RORA: variants seen among roughly 807,000 people sequenced by gnomAD.
RORA encodes the protein RAR related orphan receptor A, also known as nuclear receptor ROR-alpha.
Under a neutral mutation model 69.5 loss-of-function variants are expected in RORA, and 7 were observed. The observed-to-expected ratio is 0.10, with a 90% CI of 0.06 to 0.19. The LOEUF (loss-of-function observed/expected upper bound fraction) is 0.19. Ranked by LOEUF, RORA falls within the 10% of genes least tolerant of loss-of-function variation. The pLI, the probability that RORA is intolerant of heterozygous loss-of-function variation, is 1.00. For missense variants in RORA, 457 were observed against 663.0 expected (o/e 0.69, Z 3.41); for synonymous variants, 261 against 240.8 (o/e 1.08, Z -0.78).
At chr15:60,853,097 G>A (rs2073343279) in intron 1 of RORA, among the ~76,000 whole-genome samples, 1 of 152,176 alleles carries the variant, frequency 6.6e-6, no homozygotes, top group Non-Finnish European at 1.5e-5. Flanking sequence ...TCTGCTCAGA[G>A]TTCAGGGCGG....
chr15:60,904,958 T>C (rs10152997), intron 1 of RORA, among the ~76,000 whole-genome samples: 76,495 of 151,896 alleles, frequency 0.5, 19,649 homozygotes, highest in Non-Finnish European at 0.55. Context: ...CCAAAACACA[T>C]ATAAAACATG....
chr15:60,592,491 G>A (rs964078573), intron 2 of RORA: 2 of 1,330,302 alleles, frequency 1.5e-6, no homozygotes, highest in South Asian at 2.0e-5. Context: ...CCGCCGCGCC[G>A]CCGCCGCCCG....
At chr15:60,904,340 C>A (rs1891472809) in intron 1 of RORA, among the ~76,000 whole-genome samples, 1 of 152,092 alleles carries the variant, frequency 6.6e-6, no homozygotes, top group African/African-American at 2.4e-5. Context: ...GGCTAAGGAG[C>A]CTCCTAGTTG....
chr15:61,030,727 A>C (rs980302432), intron 1 of RORA, among the ~76,000 whole-genome samples: 2 of 152,182 alleles, frequency 1.3e-5, no homozygotes, highest in African/African-American at 4.8e-5. Flanking sequence ...GAACTGAAAA[A>C]AATGTAGCAT....
rs2065166829 is a variant in RORA at position 60,496,291 on chromosome 15, CT to C, written c.*1163del. 6.6e-6 allele frequency: 1 copy of C among 152,092 alleles called. No homozygotes were observed. Among genetic ancestry groups the C allele is most frequent in the Non-Finnish European group, 1.5e-5 (1 of 68,028 alleles). 9.4% of individuals were successfully genotyped at this position (152,092 alleles called of 1,614,324 possible). On this transcript the variant is annotated 3_prime_UTR_variant, in exon 11 of 11. Coordinates refer to ENST00000335670, the MANE Select transcript of RORA (RefSeq NM_134261.3). This position sits in a 1 kb window ranked among gnomAD's most constrained non-coding sequence, Gnocchi z 4.5. Reference sequence around the variant, plus strand: ...TTGCTCAGGATATAATCTTTGGGTCCTTCTTATAATAAAAGCTAGATTCCAA... The same window carrying C: ...TTGCTCAGGATATAATCTTTGGGTCCTCTTATAATAAAAGCTAGATTCCAA...
chr15:60,556,808 G>C (rs183197944), intron 2 of RORA: 2 of 1,435,676 alleles, frequency 1.4e-6, no homozygotes, highest in East Asian at 4.6e-5. Flanking sequence ...AAAAGCCTTC[G>C]TAAATGAAGA....
rs1378378159 is a variant in RORA, at chr15:60,631,184, C to T, written c.196+47473G>A. On this transcript the variant is annotated intron_variant, in intron 2 of 10. Coordinates refer to ENST00000335670, the MANE Select transcript of RORA (RefSeq NM_134261.3). Reference sequence around the variant, plus strand: ...GATTACAGGCGTGAGCCATTGCACCCGGCCAGCAGCATGAGACTTTCTAAC... The same window carrying T: ...GATTACAGGCGTGAGCCATTGCACCTGGCCAGCAGCATGAGACTTTCTAAC... Among the ~76,000 whole-genome samples the T allele has an allele frequency of 7.9e-5, 12 of 152,186 alleles. 1 individual carries two copies. The highest frequency in any genetic ancestry group is 6.2e-4 in the South Asian group (3 of 4,826).
intron 1 of RORA, among the ~76,000 whole-genome samples, chr15:60,802,544 G>C (rs1382661326): frequency 6.6e-6 from 1 of 152,168 alleles, no homozygotes; most frequent in Non-Finnish European, 1.5e-5. Context: ...TCCGAAGGAA[G>C]AACCTTGCCT....
chr15:61,072,655 A>G (rs2078384294), intron 1 of RORA, among the ~76,000 whole-genome samples: 1 of 152,228 alleles, frequency 6.6e-6, no homozygotes, highest in Admixed American at 6.5e-5. Context: ...AGCTGCTGTG[A>G]GCTACACTGT....
intron 1 of RORA, among the ~76,000 whole-genome samples, chr15:60,774,733 G>C (rs2072136452): frequency 6.6e-6 from 1 of 152,108 alleles, no homozygotes; most frequent in Non-Finnish European, 1.5e-5. Context: ...GTCATTTGCT[G>C]GTCTCTTTCT....
chr15:60,607,615 C>T (rs560623184), intron 2 of RORA, among the ~76,000 whole-genome samples: 7 of 152,268 alleles, frequency 4.6e-5, no homozygotes, highest in African/African-American at 1.7e-4. Flanking sequence ...TTTTATTTAA[C>T]TCTAATATTA....
intron 1 of RORA, among the ~76,000 whole-genome samples, chr15:60,852,134 C>G (rs1595766623): frequency 6.6e-6 from 1 of 152,156 alleles, no homozygotes; most frequent in Non-Finnish European, 1.5e-5. Context: ...AGGGCCTGTC[C>G]CTATGTGATT....
intron 2 of RORA, among the ~76,000 whole-genome samples, chr15:60,601,232 T>C (rs4774370): frequency 0.15 from 22,669 of 152,234 alleles, 1,940 homozygotes; most frequent in East Asian, 0.29. Flanking sequence ...AGAAATTCTT[T>C]TATCACTGGC....
At chr15:60,623,604 G>A in intron 2 of RORA, among the ~76,000 whole-genome samples, 1 of 152,092 alleles carries the variant, frequency 6.6e-6, no homozygotes, top group East Asian at 1.9e-4. Context: ...TTGGATATAA[G>A]CACAAGTGGC....
At chr15:60,911,859 G>GT (rs35017718) in intron 1 of RORA, among the ~76,000 whole-genome samples, 3,791 of 144,188 alleles carry the variant, frequency 0.026, 185 homozygotes, top group African/African-American at 0.087. Flanking sequence ...ACCTGGCTAA[G>GT]TTTTTTTTTT....
At chr15:61,192,448 C>G (rs116907153) in intron 1 of RORA, among the ~76,000 whole-genome samples, 1 of 152,134 alleles carries the variant, frequency 6.6e-6, no homozygotes, top group East Asian at 1.9e-4. Flanking sequence ...CCCAGGTACC[C>G]CATTCACCAA....
chr15:60,590,534 C>T (rs545162508), intron 2 of RORA, among the ~76,000 whole-genome samples: 1 of 152,230 alleles, frequency 6.6e-6, no homozygotes, highest in Non-Finnish European at 1.5e-5. Flanking sequence ...CCAATCAACA[C>T]AAAGTATATT....
chr15:60,934,106 AT>A (rs1266470960), intron 1 of RORA, among the ~76,000 whole-genome samples: 1 of 152,136 alleles, frequency 6.6e-6, no homozygotes, highest in East Asian at 1.9e-4. Context: ...CCAGGAGGAG[AT>A]TTGAGGTTTG....
intron 1 of RORA, among the ~76,000 whole-genome samples, chr15:60,742,645 C>T (rs1190514286): frequency 1.3e-5 from 2 of 152,202 alleles, no homozygotes; most frequent in South Asian, 2.1e-4. Context: ...CCCCCCAAGC[C>T]TCAGTCTTTG....
Sources: gnomAD v4.1 joint callset for allele counts (sites outside exome capture counted in the v4.1 genomes callset) on GRCh38, gnomAD v4.1.1 for gene constraint, Gnocchi (gnomAD v3.1) non-coding constraint, MANE v1.5 for transcripts, NCBI Gene and HGNC (gene_info 2026-07-23, HGNC 2026-07-21) for gene names.